Variants in KIF1A observed in about 807,000 individuals in gnomAD.
The protein encoded by KIF1A is kinesin-like protein KIF1A.
A neutral mutation model predicts 227.3 loss-of-function variants in KIF1A; 46 were observed. That is an observed-to-expected ratio of 0.20 (90% CI 0.16 to 0.26). The LOEUF (loss-of-function observed/expected upper bound fraction) is 0.26. Among genes scored for constraint, KIF1A ranks in the 10% least tolerant of loss-of-function variants. KIF1A has a pLI of 1.00. For synonymous variants in KIF1A, 1,022 were observed against 1,012.8 expected (o/e 1.01, Z -0.17); for missense variants, 1,683 against 2,485.9 (o/e 0.68, Z 6.87).
intron 16 of KIF1A, 114 bp downstream of exon 16, chr2:240,769,513 C>T (rs1559512678): frequency 1.2e-6 from 1 of 854,874 alleles, no homozygotes; most frequent in South Asian, 1.7e-5. Context: ...GATGTGGCCA[C>T]CCCATGGTGC....
rs183776224 is a variant in KIF1A at position 240,812,617 on chromosome 2, G to A, written c.-61+7505C>T. ...TCACCTCAGGATCTGCCTTCACCTCGGGATCTGCCTTCACCTCTGGGTCCG... is the reference window on the plus strand; with the variant it reads ...TCACCTCAGGATCTGCCTTCACCTCAGGATCTGCCTTCACCTCTGGGTCCG... On this transcript the variant is annotated intron_variant, in intron 1 of 48. Transcript: ENST00000498729. 3.9e-3 allele frequency among the ~76,000 whole-genome samples: 344 copies of A among 87,766 alleles called. 1 individual carries two copies. Among genetic ancestry groups the A allele is most frequent in the African/African-American group, 0.012 (304 of 24,526 alleles). The allele number at this position is 87,766 out of a possible 152,430, so 57.6% of individuals were successfully genotyped here.
chr2:240,755,713 T>G (rs2049769738), intron 27 of KIF1A, among the ~76,000 whole-genome samples: 1 of 152,114 alleles, frequency 6.6e-6, no homozygotes, highest in Non-Finnish European at 1.5e-5. Flanking sequence ...GGGAAAAAAA[T>G]GTTGGAAGGA....
chr2:240,808,483 A>T (rs2126212577), intron 1 of KIF1A, among the ~76,000 whole-genome samples: 1 of 148,096 alleles, frequency 6.8e-6, no homozygotes, highest in African/African-American at 2.5e-5. Flanking sequence ...ACATAGCAAG[A>T]CCCATTTCTA....
At chr2:240,745,388 G>T in intron 32 of KIF1A, 39 bp downstream of exon 32, 1 of 1,468,334 alleles carries the variant, frequency 6.8e-7, no homozygotes, top group Non-Finnish European at 9.5e-7. Flanking sequence ...GGGAGGGTCA[G>T]TCAGTGGCAG....
intron 1 of KIF1A, among the ~76,000 whole-genome samples, chr2:240,813,685 C>T (rs934406235): frequency 1.3e-5 from 2 of 152,134 alleles, no homozygotes; most frequent in African/African-American, 4.8e-5. Context: ...ACACCCCACC[C>T]CAGCTCTGGT....
chr2:240,788,615 CG>C lies in KIF1A; in HGVS notation c.184-386del, dbSNP rs376003433. On this transcript the variant is annotated intron_variant, in intron 3 of 48. Coordinates refer to ENST00000498729, the MANE Select transcript of KIF1A (RefSeq NM_001244008.2). The surrounding 1 kb of genome is among the most constrained non-coding windows in gnomAD (Gnocchi z 6.6). ...AGAGACCCCACAGGCTGGGCTACAG[CG>C]CCTGGACACTGTCCTGAGGACAGTG... Among the ~76,000 whole-genome samples, 7 of 152,002 alleles carry C rather than the reference CG, an allele frequency of 4.6e-5. No individual in the cohort carries two copies. Among genetic ancestry groups the C allele is most frequent in the African/African-American group, 1.7e-4 (7 of 41,376 alleles).
Position 240,797,801 on chromosome 2 carries a change from T to C in KIF1A, c.-49A>G, listed in dbSNP as rs1265491079. On this transcript the variant is annotated 5_prime_UTR_variant, in exon 2 of 49. Coordinates refer to ENST00000498729, the MANE Select transcript of KIF1A (RefSeq NM_001244008.2). The stretch of plus-strand genomic sequence containing the variant: ...CCTCGCAGTAGTGGGAGCCCCAGTG[T>C]GGGGGGAACACCTTGGAAAAAAGGG... The C allele has an allele frequency of 8.4e-7, 1 of 1,187,416 alleles. No homozygotes were observed. The highest frequency in any genetic ancestry group is 1.2e-6 in the Non-Finnish European group (1 of 813,386). 73.6% of individuals were successfully genotyped at this position (1,187,416 alleles called of 1,614,324 possible).
Position 240,723,658 on chromosome 2 carries a change from G to C in KIF1A, c.4319-100C>G. The C allele has an allele frequency of 6.7e-6, 9 of 1,343,094 alleles. No individual in the cohort carries two copies. The South Asian group carries it at 1.3e-4, about 20-fold the overall frequency. 83.2% of individuals were successfully genotyped at this position (1,343,094 alleles called of 1,614,324 possible). A position where few individuals can be genotyped will look rare whatever the true frequency, so the allele number is the denominator to read the frequency against. On this transcript the variant is annotated intron_variant, in intron 41 of 48. Coordinates refer to ENST00000498729, the MANE Select transcript of KIF1A (RefSeq NM_001244008.2). The stretch of plus-strand genomic sequence containing the variant: ...CATCTGTGAAGCTGTCTCCCCTCTG[G>C]AGTGGAGATGGGCTTCCCCTGGTCC...
At chr2:240,741,192 C>T in intron 35 of KIF1A, 77 bp downstream of exon 35, 1 of 965,324 alleles carries the variant, frequency 1.0e-6, no homozygotes, top group Non-Finnish European at 1.6e-6. Context: ...AACCCTCAGG[C>T]AGCTCAAGTC....
intron 44 of KIF1A, 38 bp from the exon 45 acceptor site, chr2:240,721,076 G>T (rs780037861): frequency 1.9e-6 from 3 of 1,607,956 alleles, no homozygotes; most frequent in African/African-American, 1.3e-5. Context: ...ACACAGGGAA[G>T]GGGGGTCTCC....
In KIF1A at chr2:240,758,464, G is replaced by A; in HGVS notation, c.2478C>T (p.Asp826=). ...CACTGGAGGGCACCTCTGCAGCGCG[G>A]TCGTACATCTCCCGCATCAGGTCCA... ...QRLDLMREMY[D]RAAEVPSSVI... is the part of the protein sequence containing the mutation. The change falls in exon 26 of 49, where the codon GAC becomes GAT. Residue 826 remains aspartate (D), a synonymous_variant. Transcript: ENST00000498729. The surrounding 1 kb of genome is among the most constrained non-coding windows in gnomAD (Gnocchi z 5.2). 6.2e-7 allele frequency: 1 copy of A among 1,606,680 alleles called. No homozygotes were observed. The highest frequency in any genetic ancestry group is 8.5e-7 in the Non-Finnish European group (1 of 1,176,266).
chr2:240,765,118 G>A (rs374928362), intron 20 of KIF1A, among the ~76,000 whole-genome samples: 5 of 152,214 alleles, frequency 3.3e-5, no homozygotes, highest in African/African-American at 1.2e-4. Flanking sequence ...TGTTTCTCTG[G>A]CAGAACCCTA....
chr2:240,744,502 T>C (rs1403818542), intron 32 of KIF1A, among the ~76,000 whole-genome samples: 1 of 152,124 alleles, frequency 6.6e-6, no homozygotes, highest in Non-Finnish European at 1.5e-5. Flanking sequence ...GATAGGGCCT[T>C]TACAGAGAAA....
At chr2:240,723,815 G>A (rs566699932) in intron 41 of KIF1A, among the ~76,000 whole-genome samples, 160 bp downstream of exon 41, 5 of 152,260 alleles carry the variant, frequency 3.3e-5, no homozygotes, top group South Asian at 2.1e-4. Flanking sequence ...CTCCTCCCTC[G>A]CTCTCCTCCC....
chr2:240,791,397 C>T (rs894080584), intron 2 of KIF1A, among the ~76,000 whole-genome samples: 68 of 152,006 alleles, frequency 4.5e-4, no homozygotes, highest in African/African-American at 1.5e-3. Context: ...CCCCTCACTC[C>T]GCCGCACTCT....
Position 240,743,992 on chromosome 2 carries a change from A to G in KIF1A, c.3534T>C (p.Phe1178=). The change falls in exon 33 of 49, where the codon TTT becomes TTC. Residue 1178 remains phenylalanine (F), a synonymous_variant. Coordinates refer to ENST00000498729, the MANE Select transcript of KIF1A (RefSeq NM_001244008.2). ...IKSQPIVFEV[F]GHYQQHPFPP... The stretch of plus-strand genomic sequence containing the variant: ...GGAACGGGTGCTGCTGGTAGTGGCC[A>G]AAGACCTCGAAAACAATGGGCTGGC... 1 of 1,613,782 alleles carries G rather than the reference A, an allele frequency of 6.2e-7. No individual in the cohort carries two copies. The highest frequency in any genetic ancestry group is 1.3e-5 in the African/African-American group (1 of 75,036).
At chr2:240,796,047 T>C (rs2056357657) in intron 2 of KIF1A, among the ~76,000 whole-genome samples, 1 of 152,194 alleles carries the variant, frequency 6.6e-6, no homozygotes. Flanking sequence ...CTCCCTGATG[T>C]CCTGGGTCAC....
At chr2:240,765,559 G>A (rs2051065586) in intron 20 of KIF1A, 151 bp downstream of exon 20, 3 of 652,648 alleles carry the variant, frequency 4.6e-6, no homozygotes, top group Non-Finnish European at 5.4e-6. Flanking sequence ...GAGCTGCTTG[G>A]ATACCCGCAG....
In KIF1A at chr2:240,771,107, G is replaced by A. The variant is rs1201557799; in HGVS notation, c.1208-3C>T. 1 of 1,613,388 alleles carries A rather than the reference G, an allele frequency of 6.2e-7. No homozygotes were observed. The highest frequency in any genetic ancestry group is 8.5e-7 in the Non-Finnish European group (1 of 1,179,744). ...CATACCCACCAGGGCATTGGTCACT[G>A]TGGAGAGAGGGTCAGGGGCTTCATT... On this transcript the variant is annotated splice_polypyrimidine_tract_variant and splice_region_variant and intron_variant, in intron 14 of 48. Coordinates refer to ENST00000498729, the MANE Select transcript of KIF1A (RefSeq NM_001244008.2).
Sources: allele counts gnomAD v4.1 joint callset (sites outside exome capture counted in the v4.1 genomes callset), GRCh38; gene constraint gnomAD v4.1.1; non-coding constraint Gnocchi (gnomAD v3.1); transcripts MANE v1.5; gene names NCBI Gene and HGNC (gene_info 2026-07-23, HGNC 2026-07-21).